Variants in PCDHA11 observed in about 807,000 individuals in gnomAD.
The protein encoded by PCDHA11 is protocadherin alpha 11.
Under a neutral mutation model 70.3 loss-of-function variants are expected in PCDHA11, and 61 were observed. The observed-to-expected ratio is 0.87, with a 90% CI of 0.71 to 1.07. The LOEUF is 1.07. Among genes scored for constraint, PCDHA11 ranks in the 50% least tolerant of loss-of-function variants. PCDHA11 has a pLI of 0.00. For missense variants in PCDHA11, 1,324 were observed against 1,237.5 expected (o/e 1.07, Z -1.05); for synonymous variants, 633 against 555.1 (o/e 1.14, Z -1.97).
intron 1 of PCDHA11, among the ~76,000 whole-genome samples, chr5:140,873,038 G>A (rs1304592086): frequency 1.3e-5 from 2 of 152,120 alleles, no homozygotes; most frequent in Admixed American, 6.5e-5. Context: ...CACGTAGAGT[G>A]GTGGTATTAC....
At chr5:140,912,844 C>T (rs960802369) in intron 1 of PCDHA11, among the ~76,000 whole-genome samples, 16 of 152,150 alleles carry the variant, frequency 1.1e-4, no homozygotes, top group Admixed American at 2.6e-4. Context: ...AATGCTTTTT[C>T]AGCATCAATT....
At chr5:140,957,781 TTCA>T (rs2095383587) in intron 1 of PCDHA11, among the ~76,000 whole-genome samples, 1 of 152,072 alleles carries the variant, frequency 6.6e-6, no homozygotes, top group African/African-American at 2.4e-5. Context: ...AAAAACTAAG[TTCA>T]TCATATATGT....
At chr5:140,941,219 C>CTT (rs1308794823) in intron 1 of PCDHA11, among the ~76,000 whole-genome samples, 11 of 125,974 alleles carry the variant, frequency 8.7e-5, no homozygotes, top group African/African-American at 3.2e-4. Flanking sequence ...TTCTTCCTTT[C>CTT]TTTCTTTCTT....
At chr5:140,968,969 A>C in intron 1 of PCDHA11, 2 of 1,614,230 alleles carry the variant, frequency 1.2e-6, no homozygotes. Flanking sequence ...CTACCGCTAC[A>C]CTGCGTATGG....
chr5:140,897,178 CA>C (rs1414076017), intron 1 of PCDHA11, among the ~76,000 whole-genome samples: 4 of 151,978 alleles, frequency 2.6e-5, no homozygotes, highest in South Asian at 2.1e-4. Context: ...TCCATGGGTT[CA>C]AAAAATATAT....
chr5:140,879,337 G>A (rs251379), intron 1 of PCDHA11, among the ~76,000 whole-genome samples: 101,683 of 152,024 alleles, frequency 0.67, 34,216 homozygotes, highest in Middle Eastern at 0.71. Flanking sequence ...AGTTTGTTCA[G>A]CTGAGAAGAT....
chr5:140,874,917 T>G (rs2153317662), intron 1 of PCDHA11, among the ~76,000 whole-genome samples: 2 of 152,292 alleles, frequency 1.3e-5, no homozygotes, highest in Middle Eastern at 6.8e-3. Flanking sequence ...GGAGTGCTTG[T>G]GAAGGTTAAA....
intron 1 of PCDHA11, among the ~76,000 whole-genome samples, chr5:140,915,981 C>T (rs11167655): frequency 0.33 from 49,706 of 151,966 alleles, 8,424 homozygotes; most frequent in East Asian, 0.53. Flanking sequence ...TATTTGACTA[C>T]GGCTAAGCTG....
intron 1 of PCDHA11, chr5:140,930,381 A>G (rs569032116): frequency 2.0e-5 from 3 of 152,008 alleles, no homozygotes; most frequent in East Asian, 3.9e-4. Flanking sequence ...GGCCCTTGGC[A>G]TTTCAAAACT....
At chr5:140,922,371 T>G (rs1194947703) in intron 1 of PCDHA11, among the ~76,000 whole-genome samples, 1 of 152,204 alleles carries the variant, frequency 6.6e-6, no homozygotes, top group Non-Finnish European at 1.5e-5. Context: ...CTCACTGAGA[T>G]GCAAAACCAA....
intron 1 of PCDHA11, among the ~76,000 whole-genome samples, chr5:140,936,113 G>A (rs1316824905): frequency 2.0e-5 from 3 of 151,964 alleles, no homozygotes; most frequent in South Asian, 2.1e-4. Context: ...GGCTGGTCTC[G>A]AACTCCTGAC....
At chr5:140,932,124 A>G (rs2088056676) in intron 1 of PCDHA11, among the ~76,000 whole-genome samples, 1 of 151,956 alleles carries the variant, frequency 6.6e-6, no homozygotes, top group Admixed American at 6.5e-5. Flanking sequence ...GATAATATTT[A>G]AGATATAAAC....
chr5:140,934,704 T>C (rs185443398), intron 1 of PCDHA11, among the ~76,000 whole-genome samples: 134 of 152,288 alleles, frequency 8.8e-4, no homozygotes, highest in Non-Finnish European at 1.6e-3. Context: ...TTCCTGGCCA[T>C]CTTACAAAAA....
chr5:140,929,499 C>A, intron 1 of PCDHA11: 2 of 980,262 alleles, frequency 2.0e-6, no homozygotes, highest in Non-Finnish European at 2.8e-6. Context: ...GAAGATTGCC[C>A]TAGGCCTCAA....
At chr5:140,997,420 G>A (rs1300822693) in intron 3 of PCDHA11, among the ~76,000 whole-genome samples, 4 of 152,042 alleles carry the variant, frequency 2.6e-5, no homozygotes, top group African/African-American at 9.7e-5. Flanking sequence ...TTTCTCCTAG[G>A]CTACAAACCT....
At chr5:140,959,038 A>G (rs1389837259) in intron 1 of PCDHA11, among the ~76,000 whole-genome samples, 2 of 151,994 alleles carry the variant, frequency 1.3e-5, no homozygotes, top group African/African-American at 4.8e-5. Flanking sequence ...ATGGGTATGT[A>G]TGTATAGGAA....
chr5:140,883,414 T>C, intron 1 of PCDHA11: 1 of 1,614,170 alleles, frequency 6.2e-7, no homozygotes, highest in South Asian at 1.1e-5. Flanking sequence ...CTGGCTCAAA[T>C]GGACAGGTCA....
intron 1 of PCDHA11, among the ~76,000 whole-genome samples, chr5:140,944,325 T>C (rs1179163685): frequency 1.3e-5 from 2 of 152,196 alleles, no homozygotes; most frequent in East Asian, 3.9e-4. Context: ...GTAGCTGGGA[T>C]TACAAGCACG....
At chr5:140,879,047 A>G (rs931436432) in intron 1 of PCDHA11, among the ~76,000 whole-genome samples, 1 of 152,238 alleles carries the variant, frequency 6.6e-6, no homozygotes, top group African/African-American at 2.4e-5. Flanking sequence ...AAAGATAGAC[A>G]ACATTTTACC....
Sources: allele counts gnomAD v4.1 joint callset (sites outside exome capture counted in the v4.1 genomes callset), GRCh38; gene constraint gnomAD v4.1.1; transcripts MANE v1.5; gene names NCBI Gene and HGNC (gene_info 2026-07-23, HGNC 2026-07-21).